The following GRID2 variants were observed in gnomAD, a reference collection of about 807,000 sequenced individuals.
GRID2 encodes glutamate ionotropic receptor delta type subunit 2, also known as glutamate receptor ionotropic, delta-2.
Under a neutral mutation model 114.8 loss-of-function variants are expected in GRID2, and 33 were observed. The observed-to-expected ratio is 0.29, with a 90% CI of 0.22 to 0.38. The LOEUF is 0.38. Ranked by LOEUF, GRID2 falls within the 10% of genes least tolerant of loss-of-function variation. GRID2 has a pLI of 1.00. For synonymous variants in GRID2, 505 were observed against 449.9 expected (o/e 1.12, Z -1.55); for missense variants, 1,184 against 1,257.7 (o/e 0.94, Z 0.89).
chr4:93,535,231 T>TACACACACACACACACACACACAC, intron 13 of GRID2, among the ~76,000 whole-genome samples: 1 of 142,284 alleles, frequency 7.0e-6, no homozygotes, highest in Non-Finnish European at 1.6e-5. Context: ...CACATACACA[T>TACACACACACACACACACACACAC]ACACACACAC....
intron 1 of GRID2, among the ~76,000 whole-genome samples, chr4:92,315,710 C>A (rs1005413931): frequency 3.3e-5 from 5 of 152,080 alleles, no homozygotes; most frequent in Non-Finnish European, 7.4e-5. Context: ...GTGGCTCACG[C>A]CTGTAATCCC....
intron 2 of GRID2, among the ~76,000 whole-genome samples, chr4:92,680,031 G>T (rs1470983445): frequency 2.0e-5 from 3 of 152,026 alleles, no homozygotes; most frequent in African/African-American, 7.2e-5. Context: ...TGGCTTAGGG[G>T]AAAAGGGTTA....
intron 1 of GRID2, among the ~76,000 whole-genome samples, chr4:92,386,947 T>C (rs1367904662): frequency 6.6e-6 from 1 of 151,952 alleles, no homozygotes; most frequent in East Asian, 1.9e-4. Flanking sequence ...CTGATGATAA[T>C]GTGCAATGTA....
At chr4:93,045,673 TTGAAC>T (rs1161415835) in intron 2 of GRID2, among the ~76,000 whole-genome samples, 11 of 152,140 alleles carry the variant, frequency 7.2e-5, no homozygotes, top group Admixed American at 7.2e-4. Context: ...ATCTTGTACT[TTGAAC>T]TGGGGCCTGT....
At chr4:93,659,619 T>C (rs1057309488) in intron 14 of GRID2, among the ~76,000 whole-genome samples, 1 of 152,192 alleles carries the variant, frequency 6.6e-6, no homozygotes, top group Non-Finnish European at 1.5e-5. Context: ...CATTCTGCCA[T>C]AAATTTCCCT....
intron 1 of GRID2, among the ~76,000 whole-genome samples, chr4:92,318,621 G>T (rs1726137780): frequency 6.8e-6 from 1 of 146,952 alleles, no homozygotes. Flanking sequence ...CTCAGGCGAT[G>T]CTCCCACCTC....
intron 4 of GRID2, among the ~76,000 whole-genome samples, chr4:93,149,529 T>C (rs1196371791): frequency 6.7e-6 from 1 of 148,866 alleles, no homozygotes; most frequent in African/African-American, 2.5e-5. Context: ...TGAGCCAAGA[T>C]CACACCACTG....
chr4:93,682,113 G>T (rs1233878518), intron 14 of GRID2, among the ~76,000 whole-genome samples: 1 of 151,662 alleles, frequency 6.6e-6, no homozygotes, highest in Non-Finnish European at 1.5e-5. Flanking sequence ...ATCAACAAGT[G>T]GGCAAAGGAT....
chr4:92,966,474 T>C (rs777420702), intron 2 of GRID2, among the ~76,000 whole-genome samples: 2 of 151,934 alleles, frequency 1.3e-5, no homozygotes, highest in African/African-American at 4.8e-5. Context: ...GGCTCTGATA[T>C]AGCTTGGCTG....
intron 11 of GRID2, among the ~76,000 whole-genome samples, chr4:93,464,797 C>G (rs1724115521): frequency 6.6e-6 from 1 of 152,096 alleles, no homozygotes; most frequent in Non-Finnish European, 1.5e-5. Context: ...TTTATAGAGT[C>G]TCTTTATATT....
At chr4:92,921,344 C>G (rs543740132) in intron 2 of GRID2, among the ~76,000 whole-genome samples, 2 of 152,292 alleles carry the variant, frequency 1.3e-5, no homozygotes, top group East Asian at 1.9e-4. Context: ...TTTCTTCTCT[C>G]AACTCGTCAA....
chr4:93,315,484 A>T (rs1237458916), intron 8 of GRID2, among the ~76,000 whole-genome samples: 3 of 152,060 alleles, frequency 2.0e-5, no homozygotes, highest in Non-Finnish European at 4.4e-5. Flanking sequence ...ATCTGAGTTA[A>T]TATTTTTTGT....
At chr4:92,972,903 C>T (rs922059169) in intron 2 of GRID2, among the ~76,000 whole-genome samples, 1 of 152,072 alleles carries the variant, frequency 6.6e-6, no homozygotes, top group Non-Finnish European at 1.5e-5. Flanking sequence ...TAATGACCTC[C>T]AGCTCTATCT....
At chr4:92,773,761 T>C (rs1471099492) in intron 2 of GRID2, among the ~76,000 whole-genome samples, 1 of 152,044 alleles carries the variant, frequency 6.6e-6, no homozygotes, top group Non-Finnish European at 1.5e-5. Context: ...CCCTTAGCAA[T>C]CATTTGGGAA....
intron 1 of GRID2, among the ~76,000 whole-genome samples, chr4:92,472,107 G>A (rs1722074159): frequency 8.6e-6 from 1 of 116,280 alleles, no homozygotes; most frequent in Non-Finnish European, 1.8e-5. Flanking sequence ...CTAATTTTTT[G>A]TATTTTTAGT....
At chr4:92,650,828 G>A (rs1381710541) in intron 2 of GRID2, among the ~76,000 whole-genome samples, 1 of 151,908 alleles carries the variant, frequency 6.6e-6, no homozygotes, top group Non-Finnish European at 1.5e-5. Context: ...CAGAGAAACA[G>A]AACCACATAT....
At chr4:92,670,428 A>T (rs76411442) in intron 2 of GRID2, among the ~76,000 whole-genome samples, 9,237 of 151,912 alleles carry the variant, frequency 0.061, 336 homozygotes, top group East Asian at 0.16. Flanking sequence ...TTTCACAGTT[A>T]TTTCATCTCA....
At chr4:93,622,777 T>C (rs1048314133) in intron 13 of GRID2, among the ~76,000 whole-genome samples, 6 of 152,234 alleles carry the variant, frequency 3.9e-5, no homozygotes, top group Non-Finnish European at 8.8e-5. Context: ...CAAAACTTTT[T>C]ATTGGGTATC....
chr4:92,647,596 A>T (rs1731714805), intron 2 of GRID2, among the ~76,000 whole-genome samples: 2 of 149,590 alleles, frequency 1.3e-5, no homozygotes. Flanking sequence ...ATTGAAGATA[A>T]AATACATATT....
Sources: gnomAD v4.1 joint callset for allele counts (sites outside exome capture counted in the v4.1 genomes callset) on GRCh38, gnomAD v4.1.1 for gene constraint, MANE v1.5 for transcripts, NCBI Gene and HGNC (gene_info 2026-07-23, HGNC 2026-07-21) for gene names.